The following AMZ1 variants were observed in gnomAD, a reference collection of about 807,000 sequenced individuals.
AMZ1 encodes archaelysin family metallopeptidase 1, also known as archaemetzincin-1.
A neutral mutation model predicts 29.9 loss-of-function variants in AMZ1; 39 were observed. The observed-to-expected ratio is 1.30, with a 90% CI of 1.01 to 1.70. The LOEUF (loss-of-function observed/expected upper bound fraction) is 1.70. Ranked by LOEUF, AMZ1 falls within the 40% of genes most tolerant of loss-of-function variation. The pLI, the probability that AMZ1 is intolerant of heterozygous loss-of-function variation, is 0.00. For missense variants in AMZ1, 1,041 were observed against 680.6 expected (o/e 1.53, Z -5.89); for synonymous variants, 458 against 304.0 (o/e 1.51, Z -5.27).
chr7:2,728,360 G>C (rs1562387063), intron 4 of AMZ1: 1 of 151,944 alleles, frequency 6.6e-6, no homozygotes, highest in African/African-American at 2.4e-5. Context: ...CAATCTTGGA[G>C]TTAACAATCT....
At chr7:2,763,757 C>G (rs960722055), upstream of AMZ1, among the ~76,000 whole-genome samples, 2 of 152,188 alleles carry the variant, frequency 1.3e-5, no homozygotes, top group Admixed American at 6.5e-5. Flanking sequence ...ATGCCTCCCC[C>G]ACAGGCTCTG....
In AMZ1 at chr7:2,731,532, C is replaced by T. The variant is rs1405863468; in HGVS notation, n.550+21716C>T. 1 of 1,611,818 alleles carries T rather than the reference C, an allele frequency of 6.2e-7. No homozygotes were observed. Among genetic ancestry groups the T allele is most frequent in the Non-Finnish European group, 8.5e-7 (1 of 1,178,488 alleles). Reference sequence around the variant, plus strand: ...TGGACTCCACCAGCCGGTTGGTGCGCCTGTCCTCCATGAGGACCTGGTCGT... The same window carrying T: ...TGGACTCCACCAGCCGGTTGGTGCGTCTGTCCTCCATGAGGACCTGGTCGT... On this transcript the variant is annotated intron_variant and non_coding_transcript_variant, in intron 4 of 4. Transcript: ENST00000489665. This position sits in a 1 kb window ranked among gnomAD's most constrained non-coding sequence, Gnocchi z 6.0.
intron 1 of AMZ1, among the ~76,000 whole-genome samples, chr7:2,693,626 G>A (rs751888845): frequency 1.3e-5 from 2 of 152,160 alleles, no homozygotes; most frequent in South Asian, 2.1e-4. Context: ...CGCGATCTCC[G>A]CTCACTGCAA....
chr7:2,693,065 C>T (rs903540643), intron 1 of AMZ1, among the ~76,000 whole-genome samples: 17 of 152,184 alleles, frequency 1.1e-4, no homozygotes, highest in African/African-American at 1.2e-4. Context: ...GGGCCTGGCA[C>T]GCCTGAGCCC....
At chr7:2,703,389 C>T (rs536373814) in intron 3 of AMZ1, among the ~76,000 whole-genome samples, 12 of 152,290 alleles carry the variant, frequency 7.9e-5, no homozygotes, top group African/African-American at 2.9e-4. Flanking sequence ...GATCTGCCTG[C>T]CTCAGCCTCC....
At position 2,716,416 on chromosome 7, in the gene AMZ1, C is replaced by T. The variant is rs1310694930; in HGVS notation, c.*3538C>T. 3 of 152,226 alleles carry T rather than the reference C, an allele frequency of 2.0e-5. No individual in the cohort carries two copies. The highest frequency in any genetic ancestry group is 2.1e-4 in the South Asian group (1 of 4,828). 9.4% of individuals were successfully genotyped at this position (152,226 alleles called of 1,614,324 possible). On this transcript the variant is annotated 3_prime_UTR_variant, in exon 7 of 7. Transcript: ENST00000683327. The stretch of plus-strand genomic sequence containing the variant: ...CAGTGAGTGGAGCTCTGCCACCACC[C>T]GTTTCCAGAGCATGGGTGAGGAGGG...
chr7:2,732,438 T>C (rs1184169582), intron 4 of AMZ1, among the ~76,000 whole-genome samples: 1 of 152,136 alleles, frequency 6.6e-6, no homozygotes, highest in East Asian at 1.9e-4. Flanking sequence ...CCCAGCTACT[T>C]GGGAGGCCGA....
chr7:2,702,669 G>A lies in AMZ1; in HGVS notation c.305-53G>A. Reference sequence around the variant, plus strand: ...GTCTGCGAGTGATTCCCGGGGAGAGGGTCCCAGGCGGGCAGGGGCGTCGCA... The same window carrying A: ...GTCTGCGAGTGATTCCCGGGGAGAGAGTCCCAGGCGGGCAGGGGCGTCGCA... On this transcript the variant is annotated intron_variant, in intron 2 of 6. Transcript: ENST00000683327. 3.4e-6 allele frequency: 5 copies of A among 1,477,638 alleles called. No individual in the cohort carries two copies. In the South Asian group the frequency reaches 6.4e-5, roughly 19 times the overall value. The allele number at this position is 1,477,638 out of a possible 1,614,324, so 91.5% of individuals were successfully genotyped here.
chr7:2,753,675 A>C (rs1054723379), intron 4 of AMZ1, among the ~76,000 whole-genome samples: 1 of 152,148 alleles, frequency 6.6e-6, no homozygotes, highest in African/African-American at 2.4e-5. Context: ...TGTGGATGTA[A>C]GTTTCATTTC....
chr7:2,694,530 A>C (rs1194476311), intron 1 of AMZ1, among the ~76,000 whole-genome samples: 2 of 152,058 alleles, frequency 1.3e-5, no homozygotes, highest in East Asian at 3.8e-4. Flanking sequence ...GCCCCTGCTC[A>C]AGTGATCCTT....
At chr7:2,733,014 G>A (rs955664357) in intron 4 of AMZ1, among the ~76,000 whole-genome samples, 22 of 152,142 alleles carry the variant, frequency 1.4e-4, no homozygotes, top group African/African-American at 4.6e-4. Flanking sequence ...ACGGTACTGC[G>A]GTTGTCATTT....
intron 1 of AMZ1, among the ~76,000 whole-genome samples, chr7:2,690,408 C>T (rs1032265240): frequency 7.9e-5 from 12 of 152,110 alleles, no homozygotes; most frequent in South Asian, 2.1e-4. Context: ...TTTGTAGAGA[C>T]GGGGTTTTGC....
At chr7:2,742,080 G>A (rs1790535165) in intron 4 of AMZ1, among the ~76,000 whole-genome samples, 3 of 151,726 alleles carry the variant, frequency 2.0e-5, no homozygotes, top group South Asian at 4.2e-4. Flanking sequence ...AGAGTGCAGT[G>A]GGGCGATCTC....
chr7:2,721,357 C>T (rs569500270), downstream of AMZ1, among the ~76,000 whole-genome samples: 45 of 152,312 alleles, frequency 3.0e-4, no homozygotes, highest in African/African-American at 8.4e-4. Flanking sequence ...CACGGTGGAA[C>T]GCACTCTGGA....
upstream of AMZ1, among the ~76,000 whole-genome samples, chr7:2,687,980 C>G (rs1432318187): frequency 2.6e-5 from 4 of 152,026 alleles, no homozygotes; most frequent in South Asian, 4.1e-4. Flanking sequence ...GACTGACCTC[C>G]CTCACCTGTT....
At chr7:2,701,087 C>G (rs139160556) in intron 2 of AMZ1, among the ~76,000 whole-genome samples, 12 of 152,166 alleles carry the variant, frequency 7.9e-5, no homozygotes, top group Admixed American at 7.9e-4. Flanking sequence ...AAGATCACGC[C>G]GGGTGTGGTG....
At position 2,737,721 on chromosome 7, in the gene AMZ1, G is replaced by A. The variant is rs185288943; in HGVS notation, n.551-26991G>A. The stretch of plus-strand genomic sequence containing the variant: ...CAAAATCTAGTTCACTCACTTCAAC[G>A]TGACAAATTACAAAGACAAATTTTA... On this transcript the variant is annotated intron_variant and non_coding_transcript_variant, in intron 4 of 4. Coordinates refer to the AMZ1 transcript ENST00000489665. Among the ~76,000 whole-genome samples the A allele has an allele frequency of 4.3e-3, 656 of 152,318 alleles. 6 individuals carry two copies. The highest frequency in any genetic ancestry group is 0.015 in the African/African-American group (624 of 41,544).
In AMZ1 at chr7:2,717,791, G is replaced by A. The variant is rs574003071; in HGVS notation, c.*4913G>A. Among the ~76,000 whole-genome samples, 37 of 152,290 alleles carry A rather than the reference G, an allele frequency of 2.4e-4. No individual in the cohort carries two copies. The highest frequency in any genetic ancestry group is 4.1e-4 in the Non-Finnish European group (28 of 68,020). On this transcript the variant is annotated 3_prime_UTR_variant, in exon 7 of 7. Coordinates refer to ENST00000683327, the MANE Select transcript of AMZ1 (RefSeq NM_001384743.1). ...TGAATGAGAACCCGGAAGAATGGAGGTTTATTTTTGAACTCAGCTTCTTGG... is the reference window on the plus strand; with the variant it reads ...TGAATGAGAACCCGGAAGAATGGAGATTTATTTTTGAACTCAGCTTCTTGG...
At chr7:2,707,369 C>T (rs529311905) in intron 3 of AMZ1, among the ~76,000 whole-genome samples, 27 of 152,042 alleles carry the variant, frequency 1.8e-4, no homozygotes, top group Non-Finnish European at 7.4e-5. Flanking sequence ...AACACTTCTC[C>T]GGTGTGCCTC....
Sources: gnomAD v4.1 joint callset for allele counts (sites outside exome capture counted in the v4.1 genomes callset) on GRCh38, gnomAD v4.1.1 for gene constraint, Gnocchi (gnomAD v3.1) non-coding constraint, MANE v1.5 for transcripts, NCBI Gene and HGNC (gene_info 2026-07-23, HGNC 2026-07-21) for gene names.